Variants in PDE7A observed in about 807,000 individuals in gnomAD.
PDE7A encodes phosphodiesterase 7A.
Under a neutral mutation model 64.3 loss-of-function variants are expected in PDE7A, and 39 were observed. That is an observed-to-expected ratio of 0.61 (90% CI 0.47 to 0.79). PDE7A has a LOEUF of 0.79. Ranked by LOEUF, PDE7A falls within the 30% of genes least tolerant of loss-of-function variation. The pLI is 0.00. For missense variants in PDE7A, 470 were observed against 582.8 expected (o/e 0.81, Z 1.99); for synonymous variants, 203 against 206.8 (o/e 0.98, Z 0.16).
chr8:65,761,529 A>C (rs897129858), intron 3 of PDE7A, among the ~76,000 whole-genome samples: 3 of 152,202 alleles, frequency 2.0e-5, no homozygotes, highest in Non-Finnish European at 4.4e-5. Flanking sequence ...GGTTACCTAC[A>C]TTCCAATCCA....
chr8:65,753,788 G>A (rs538384770), intron 3 of PDE7A, among the ~76,000 whole-genome samples: 1 of 152,122 alleles, frequency 6.6e-6, no homozygotes, highest in Admixed American at 6.6e-5. Flanking sequence ...CATATATTGT[G>A]GAAATCCATT....
intron 7 of PDE7A, among the ~76,000 whole-genome samples, 167 bp downstream of exon 7, chr8:65,734,627 C>T (rs943444187): frequency 2.0e-5 from 3 of 152,172 alleles, no homozygotes; most frequent in Non-Finnish European, 4.4e-5. Context: ...CTAGCTGTTG[C>T]ACTCTGAAAC....
chr8:65,804,865 TC>T (rs1460012357), intron 1 of PDE7A, among the ~76,000 whole-genome samples: 1 of 152,052 alleles, frequency 6.6e-6, no homozygotes, highest in Non-Finnish European at 1.5e-5. Flanking sequence ...TGAGATGGGA[TC>T]TTGCTCTGTC....
At chr8:65,815,515 T>C (rs1810379228) in intron 1 of PDE7A, among the ~76,000 whole-genome samples, 1 of 152,164 alleles carries the variant, frequency 6.6e-6, no homozygotes, top group Non-Finnish European at 1.5e-5. Context: ...AAAATATCTG[T>C]GCTCACTGAA....
intron 4 of PDE7A, among the ~76,000 whole-genome samples, chr8:65,746,390 T>C (rs377403124): frequency 6.6e-6 from 1 of 152,168 alleles, no homozygotes; most frequent in South Asian, 2.1e-4. Context: ...GCTTAAATTA[T>C]TTGTTATTCA....
chr8:65,791,972 A>G (rs1809713630), intron 1 of PDE7A, among the ~76,000 whole-genome samples: 1 of 152,158 alleles, frequency 6.6e-6, no homozygotes, highest in Admixed American at 6.5e-5. Context: ...ATAAGATGAA[A>G]TAAAAACAAA....
chr8:65,782,654 A>C, intron 2 of PDE7A, 129 bp downstream of exon 2: 1 of 594,528 alleles, frequency 1.7e-6, no homozygotes, highest in African/African-American at 1.9e-5. Context: ...CAGACTCTAA[A>C]CTCCATGAAT....
At chr8:65,755,793 TCTTA>T (rs1808210308) in intron 3 of PDE7A, among the ~76,000 whole-genome samples, 1 of 152,220 alleles carries the variant, frequency 6.6e-6, no homozygotes, top group South Asian at 2.1e-4. Flanking sequence ...AGCATTTCTT[TCTTA>T]TTCTCTTTGA....
chr8:65,803,947 TAC>T lies in PDE7A; in HGVS notation c.139-21106_139-21105del, dbSNP rs569761126. 4.6e-5 allele frequency among the ~76,000 whole-genome samples: 7 copies of T among 152,282 alleles called. No individual in the cohort carries two copies. In the South Asian group the frequency reaches 1.5e-3, roughly 32 times the overall value. The stretch of plus-strand genomic sequence containing the variant: ...TATGCATCTCTCCTTGCACCTCTCC[TAC>T]ACACAGACACACATACACATTCTAG... On this transcript the variant is annotated intron_variant, in intron 1 of 12. Coordinates refer to ENST00000401827, the MANE Select transcript of PDE7A (RefSeq NM_001242318.3).
chr8:65,739,035 C>T (rs938434702), intron 6 of PDE7A, among the ~76,000 whole-genome samples: 2 of 152,270 alleles, frequency 1.3e-5, no homozygotes, highest in East Asian at 1.9e-4. Context: ...GAAGGTGGGC[C>T]GATTCTGAGC....
intron 3 of PDE7A, among the ~76,000 whole-genome samples, chr8:65,765,869 T>C (rs1463574319): frequency 1.3e-5 from 2 of 152,272 alleles, no homozygotes; most frequent in East Asian, 1.9e-4. Flanking sequence ...GTATCTCTTA[T>C]ACGTTAAAAA....
At chr8:65,789,587 T>C (rs1411582922) in intron 1 of PDE7A, among the ~76,000 whole-genome samples, 2 of 152,256 alleles carry the variant, frequency 1.3e-5, no homozygotes, top group Non-Finnish European at 2.9e-5. Context: ...AGTCTAATAG[T>C]GCATTTTCAA....
chr8:65,750,474 C>CTGTGTGTGTGTGTGTGTGTG (rs371620919), intron 3 of PDE7A, among the ~76,000 whole-genome samples: 5 of 142,724 alleles, frequency 3.5e-5, no homozygotes, highest in African/African-American at 7.9e-5. Flanking sequence ...ATTAGAATCA[C>CTGTGTGTGTGTGTGTGTGTG]TGTGTGTGTG....
chr8:65,767,683 G>A (rs755628932), intron 3 of PDE7A, among the ~76,000 whole-genome samples: 2 of 152,178 alleles, frequency 1.3e-5, no homozygotes, highest in Admixed American at 6.5e-5. Context: ...TGGGTTCTGG[G>A]TGCTTCCACA....
chr8:65,743,312 G>A (rs944725320), intron 5 of PDE7A, among the ~76,000 whole-genome samples: 1 of 152,178 alleles, frequency 6.6e-6, no homozygotes, highest in Admixed American at 6.5e-5. Context: ...GAAGGGCCAA[G>A]GGAAGGCTAA....
At chr8:65,721,203 G>A (rs1251664386) in intron 12 of PDE7A, among the ~76,000 whole-genome samples, 2 of 152,134 alleles carry the variant, frequency 1.3e-5, no homozygotes, top group Non-Finnish European at 2.9e-5. Flanking sequence ...AGCCCCACAA[G>A]CCTCTACTTT....
chr8:65,731,980 A>ATTGTTG (rs1477616638), intron 7 of PDE7A, among the ~76,000 whole-genome samples: 2 of 151,454 alleles, frequency 1.3e-5, no homozygotes, highest in South Asian at 2.1e-4. Context: ...TATTATTATT[A>ATTGTTG]TTATTATTGT....
intron 3 of PDE7A, among the ~76,000 whole-genome samples, chr8:65,751,160 C>T (rs931271408): frequency 1.3e-5 from 2 of 152,164 alleles, no homozygotes; most frequent in African/African-American, 4.8e-5. Flanking sequence ...GAAGCCTACA[C>T]GTAACAAGAT....
intron 1 of PDE7A, among the ~76,000 whole-genome samples, chr8:65,795,277 G>A (rs565228210): frequency 5.9e-5 from 9 of 152,262 alleles, no homozygotes; most frequent in Admixed American, 1.3e-4. Context: ...ATAGGCAGTC[G>A]CCAAACCTGA....
Sources: allele counts gnomAD v4.1 joint callset (sites outside exome capture counted in the v4.1 genomes callset), GRCh38; gene constraint gnomAD v4.1.1; transcripts MANE v1.5; gene names NCBI Gene and HGNC (gene_info 2026-07-23, HGNC 2026-07-21).